The following NSD1 variants were observed in gnomAD, a reference collection of about 807,000 sequenced individuals.
NSD1 encodes nuclear receptor binding SET domain protein 1.
Under a neutral mutation model 242.7 loss-of-function variants are expected in NSD1, and 26 were observed. The observed-to-expected ratio is 0.11, with a 90% CI of 0.08 to 0.15. NSD1 has a LOEUF of 0.15. NSD1 is among the 10% of genes least tolerant of loss of function. NSD1 has a pLI of 1.00. For missense variants in NSD1, 2,495 were observed against 3,272.8 expected (o/e 0.76, Z 5.80); for synonymous variants, 1,106 against 1,178.1 (o/e 0.94, Z 1.25).
chr5:177,266,208 T>C (rs1372327812), intron 14 of NSD1: 1 of 935,136 alleles, frequency 1.1e-6, no homozygotes, highest in Non-Finnish European at 1.8e-6. Context: ...CCCATCCACT[T>C]GCTGATGATG....
Position 177,238,763 on chromosome 5 carries a change from C to G in NSD1, c.4192+256C>G, listed in dbSNP as rs746079454. ...GCTCTTCATGATTGTTGATCAGCCA[C>G]TGTGTAAATTAACAACCAGGATAAC... On this transcript the variant is annotated intron_variant, in intron 7 of 22. Transcript: ENST00000439151. The surrounding 1 kb of genome is among the most constrained non-coding windows in gnomAD (Gnocchi z 4.6). 3.3e-5 allele frequency among the ~76,000 whole-genome samples: 5 copies of G among 152,168 alleles called. No homozygotes were observed. Among genetic ancestry groups the G allele is most frequent in the Admixed American group, 1.3e-4 (2 of 15,266 alleles).
intron 16 of NSD1, among the ~76,000 whole-genome samples, chr5:177,272,797 C>T (rs893587057): frequency 6.6e-6 from 1 of 152,068 alleles, no homozygotes; most frequent in Non-Finnish European, 1.5e-5. Flanking sequence ...GTGGGAGGAT[C>T]ACTTGAGCCC....
intron 21 of NSD1, among the ~76,000 whole-genome samples, chr5:177,290,408 A>ATTT (rs573014778): frequency 6.5e-5 from 9 of 139,292 alleles, no homozygotes; most frequent in Non-Finnish European, 1.4e-4. Flanking sequence ...GAGTAAATAA[A>ATTT]TTTTTTTTTT....
Position 177,280,706 on chromosome 5 carries a change from C to T in NSD1, c.5764C>T (p.Pro1922Ser), listed in dbSNP as rs1758800626. 2 of 1,614,230 alleles carry T rather than the reference C, an allele frequency of 1.2e-6. No individual in the cohort carries two copies. The highest frequency in any genetic ancestry group is 1.7e-6 in the Non-Finnish European group (2 of 1,180,040). Residue 1922 changes from proline (P) to serine (S), a missense_variant, in exon 18 of 23, where the codon CCC (proline) becomes TCC (serine). Pro to Ser is a moderately conservative substitution (Grantham distance 74). Coordinates refer to ENST00000439151, the MANE Select transcript of NSD1 (RefSeq NM_022455.5). ...INRMLLYECH[P>S]TVCPAGGRCQ... ...CCGCATGCTGCTCTATGAGTGCCAC[C>T]CCACAGTGTGTCCTGCCGGAGGGCG...
chr5:177,294,540 G>C lies in NSD1; in HGVS notation c.7172G>C (p.Arg2391Thr), dbSNP rs555664573. 20 of 1,614,232 alleles carry C rather than the reference G, an allele frequency of 1.2e-5. No individual in the cohort carries two copies. In the South Asian group the frequency reaches 2.2e-4, roughly 18 times the overall value. Residue 2391 changes from arginine to threonine, a missense_variant, in exon 23 of 23, where the codon AGA becomes ACA. Coordinates refer to ENST00000439151, the MANE Select transcript of NSD1 (RefSeq NM_022455.5). ...GGCCTGAGACTTCCGCCGCCAGACA[G>C]ACTGCTCATTACTAGCAGTCCCAAA... Reference protein sequence around the residue: ...PTGLRLPPPDRLLITSSPKPQ... With the variant: ...PTGLRLPPPDTLLITSSPKPQ...
intron 18 of NSD1, 87 bp downstream of exon 18, chr5:177,280,921 G>C (rs1758821459): frequency 2.8e-6 from 4 of 1,406,646 alleles, no homozygotes; most frequent in Non-Finnish European, 1.0e-6. Flanking sequence ...ATTCATCATA[G>C]AAGAAAATAA....
At chr5:177,266,801 A>AT (rs1261672135) in intron 14 of NSD1, 1 of 219,670 alleles carries the variant, frequency 4.6e-6, no homozygotes, top group African/African-American at 2.3e-5. Flanking sequence ...AGCGTGGCTC[A>AT]TTTCTTTTTG....
At chr5:177,276,980 G>A (rs1378682686) in intron 17 of NSD1, among the ~76,000 whole-genome samples, 1 of 152,134 alleles carries the variant, frequency 6.6e-6, no homozygotes, top group Non-Finnish European at 1.5e-5. Context: ...CTCAGAAATG[G>A]AAAATAATTC....
Position 177,280,810 on chromosome 5 carries a change from A to G in NSD1, c.5868A>G (p.Leu1956=), listed in dbSNP as rs140416783. Residue 1956 remains leucine, a synonymous_variant, in exon 18 of 23, where the codon CTA becomes CTG. Coordinates refer to ENST00000439151, the MANE Select transcript of NSD1 (RefSeq NM_022455.5). ...IFRTLQRGWG[L]RTKTDIKKGE... Reference sequence around the variant, plus strand: ...GCACATTACAGCGGGGTTGGGGTCTACGGACAAAAACAGATATTAAAAAGG... The same window carrying G: ...GCACATTACAGCGGGGTTGGGGTCTGCGGACAAAAACAGATATTAAAAAGG... 1 of 1,614,130 alleles carries G rather than the reference A, an allele frequency of 6.2e-7. No homozygotes were observed. Among genetic ancestry groups the G allele is most frequent in the Non-Finnish European group, 8.5e-7 (1 of 1,180,050 alleles).
At chr5:177,289,336 A>T (rs1038296478) in intron 21 of NSD1, among the ~76,000 whole-genome samples, 6 of 152,050 alleles carry the variant, frequency 3.9e-5, no homozygotes, top group African/African-American at 1.4e-4. Context: ...AAAAAAGAAA[A>T]ATTCAATGAC....
rs778922162 is a variant in NSD1 at position 177,211,928 on chromosome 5, T to G, written c.3529T>G (p.Phe1177Val). 6.2e-7 allele frequency: 1 copy of G among 1,604,708 alleles called. No homozygotes were observed. The highest frequency in any genetic ancestry group is 2.2e-5 in the East Asian group (1 of 44,770). ...TAAACCTCGTAAGCGCATGAACAGA[T>G]TTAAAGAGAAAGAAAACTCTGAGTG... ...RTKPRKRMNR[F>V]KEKENSECAF... Residue 1177 changes from phenylalanine (F) to valine (V), a missense_variant, in exon 5 of 23, where the codon TTT (phenylalanine) becomes GTT (valine). By Grantham distance (50) the Phe-to-Val change is conservative. This residue lies in a region of NSD1 where 426 missense variants were observed against 411.4 expected (regional missense o/e 1.04). Transcript: ENST00000439151.
In NSD1 at chr5:177,171,354, A is replaced by G. The variant is rs533860655; in HGVS notation, c.928-20530A>G. ...TACGCTTTAGTTACCATCCTCCTAC[A>G]CCTTAACTTCCCTGCCCCTAAGTAA... On this transcript the variant is annotated intron_variant, in intron 2 of 22. Coordinates refer to ENST00000439151, the MANE Select transcript of NSD1 (RefSeq NM_022455.5). Among the ~76,000 whole-genome samples, 52 of 151,974 alleles carry G rather than the reference A, an allele frequency of 3.4e-4. 3 individuals are homozygous for G. The South Asian group carries it at 0.011, about 31-fold the overall frequency.
chr5:177,270,579 T>C (rs1757868549), intron 16 of NSD1, among the ~76,000 whole-genome samples: 1 of 152,240 alleles, frequency 6.6e-6, no homozygotes, highest in East Asian at 1.9e-4. Flanking sequence ...ATGGTCCAAC[T>C]TACAGCTTTA....
intron 14 of NSD1, 35 bp from the exon 15 acceptor site, chr5:177,267,527 T>A: frequency 6.2e-7 from 1 of 1,608,908 alleles, no homozygotes; most frequent in Non-Finnish European, 8.5e-7. Flanking sequence ...CTTGCAGTCT[T>A]GTGATCTGAA....
chr5:177,188,771 G>A (rs1761439370), intron 2 of NSD1, among the ~76,000 whole-genome samples: 1 of 152,026 alleles, frequency 6.6e-6, no homozygotes, highest in Non-Finnish European at 1.5e-5. Flanking sequence ...CAGGACAACA[G>A]GCCTGAGCCA....
At chr5:177,245,536 T>C (rs933839598) in intron 9 of NSD1, among the ~76,000 whole-genome samples, 1 of 152,202 alleles carries the variant, frequency 6.6e-6, no homozygotes, top group Non-Finnish European at 1.5e-5. Flanking sequence ...ATCCTAAATG[T>C]TTTATGAAAT....
intron 4 of NSD1, among the ~76,000 whole-genome samples, chr5:177,208,643 T>G (rs2149841136): frequency 6.6e-6 from 1 of 152,048 alleles, no homozygotes; most frequent in Non-Finnish European, 1.5e-5. Context: ...TTCTCGTGTC[T>G]TAGCCTCCCT....
intron 2 of NSD1, among the ~76,000 whole-genome samples, chr5:177,139,444 CAAA>C (rs1281688922): frequency 6.7e-5 from 4 of 59,534 alleles, no homozygotes; most frequent in Admixed American, 1.9e-4. Flanking sequence ...GACTCCATCT[CAAA>C]AAAAAAAAAA....
At chr5:177,244,367 A>G in intron 9 of NSD1, 97 bp downstream of exon 9, 1 of 861,344 alleles carries the variant, frequency 1.2e-6, no homozygotes, top group Non-Finnish European at 1.9e-6. Flanking sequence ...AAGCCCGACC[A>G]GTGAGGTACA....
Sources: gnomAD v4.1 joint callset for allele counts (sites outside exome capture counted in the v4.1 genomes callset) on GRCh38, gnomAD v4.1.1 for gene constraint, gnomAD v4.1.1 regional missense constraint, Gnocchi (gnomAD v3.1) non-coding constraint, MANE v1.5 for transcripts, NCBI Gene and HGNC (gene_info 2026-07-23, HGNC 2026-07-21) for gene names.